Variants in SOBP observed in about 807,000 individuals in gnomAD.
SOBP encodes the protein sine oculis binding protein homolog.
In SOBP, 4 loss-of-function variants were observed where a neutral mutation model predicts 53.6. The ratio of observed to expected loss-of-function variants is 0.07; its 90% CI spans 0.04 to 0.17. The LOEUF is 0.17. SOBP is among the 10% of genes least tolerant of loss of function. The pLI, the probability that SOBP is intolerant of heterozygous loss-of-function variation, is 1.00. For synonymous variants in SOBP, 584 were observed against 522.6 expected, an observed-to-expected ratio of 1.12 and a Z score of -1.60; for missense variants, 1,088 against 1,204.7, an observed-to-expected ratio of 0.90 and a Z score of 1.43.
At chr6:107,574,550 T>C (rs963257419) in intron 4 of SOBP, among the ~76,000 whole-genome samples, 1 of 152,188 alleles carries the variant, frequency 6.6e-6, no homozygotes, top group African/African-American at 2.4e-5. Context: ...GATTTCAAAA[T>C]GAGTGAGCCC....
chr6:107,593,175 A>G (rs549032922), intron 5 of SOBP, among the ~76,000 whole-genome samples: 69 of 152,234 alleles, frequency 4.5e-4, no homozygotes, highest in African/African-American at 1.6e-3. Flanking sequence ...ACCACAGTTG[A>G]CCATCTCCCC....
chr6:107,616,755 G>A (rs1336352774), intron 5 of SOBP, among the ~76,000 whole-genome samples: 2 of 152,260 alleles, frequency 1.3e-5, no homozygotes, highest in Non-Finnish European at 2.9e-5. Flanking sequence ...TGCAGAAACA[G>A]TGGGGGCTGT....
In SOBP at chr6:107,635,112, G is replaced by A. The variant is rs377096838; in HGVS notation, c.2268G>A (p.Lys756=). 104 of 1,610,516 alleles carry A rather than the reference G, an allele frequency of 6.5e-5. No homozygotes were observed. In the African/African-American group the frequency reaches 1.3e-3, roughly 20 times the overall value. The change falls in exon 6 of 7, where the codon AAG becomes AAA. Residue 756 remains lysine, a synonymous_variant. Coordinates refer to ENST00000317357, the MANE Select transcript of SOBP (RefSeq NM_018013.4). This position sits in a 1 kb window ranked among gnomAD's most constrained non-coding sequence, Gnocchi z 4.5. Reference sequence around the variant, plus strand: ...CGCCGCCGCCCGCGCCCCCCAAGAAGCTGCTGTCGCCTGAGGAACCGGCGG... The same window carrying A: ...CGCCGCCGCCCGCGCCCCCCAAGAAACTGCTGTCGCCTGAGGAACCGGCGG... The part of the protein sequence containing the change: ...PPPPPPAPPK[K]LLSPEEPAVS...
At chr6:107,588,046 A>G (rs2115061198) in intron 5 of SOBP, among the ~76,000 whole-genome samples, 1 of 152,330 alleles carries the variant, frequency 6.6e-6, no homozygotes, top group South Asian at 2.1e-4. Context: ...ATTAAAGCAA[A>G]ACATTTGCTC....
chr6:107,528,464 A>G (rs1323966267), intron 3 of SOBP, among the ~76,000 whole-genome samples: 2 of 152,138 alleles, frequency 1.3e-5, no homozygotes, highest in African/African-American at 4.8e-5. Context: ...TGAGATCCAC[A>G]TATTATTGGG....
intron 5 of SOBP, among the ~76,000 whole-genome samples, chr6:107,591,534 T>C (rs780551328): frequency 3.3e-5 from 5 of 152,138 alleles, no homozygotes; most frequent in African/African-American, 4.8e-5. Context: ...AAGGGGGTTT[T>C]CCCAGCAGAG....
intron 4 of SOBP, among the ~76,000 whole-genome samples, chr6:107,581,703 A>G (rs1415256145): frequency 6.6e-6 from 1 of 152,262 alleles, no homozygotes; most frequent in Non-Finnish European, 1.5e-5. Flanking sequence ...AGAAAATGAA[A>G]TTCCATGCGT....
At chr6:107,592,720 G>A (rs1785801768) in intron 5 of SOBP, among the ~76,000 whole-genome samples, 1 of 152,190 alleles carries the variant, frequency 6.6e-6, no homozygotes, top group Non-Finnish European at 1.5e-5. Context: ...CCCCACAAGT[G>A]TAAAATAACC....
intron 4 of SOBP, among the ~76,000 whole-genome samples, chr6:107,550,720 G>C: frequency 6.6e-6 from 1 of 152,120 alleles, no homozygotes; most frequent in Admixed American, 6.5e-5. Context: ...GGGATGGATA[G>C]AAAAAAGGAC....
chr6:107,524,385 A>G (rs1783600182), intron 3 of SOBP, among the ~76,000 whole-genome samples: 5 of 152,142 alleles, frequency 3.3e-5, no homozygotes, highest in Admixed American at 3.3e-4. Context: ...GACATCTTAG[A>G]TTGCTCAGAG....
chr6:107,650,606 T>G (rs757973203), intron 6 of SOBP, among the ~76,000 whole-genome samples: 1 of 152,232 alleles, frequency 6.6e-6, no homozygotes, highest in Non-Finnish European at 1.5e-5. Context: ...TGGGACACCA[T>G]GAACTGCACC....
intron 5 of SOBP, among the ~76,000 whole-genome samples, chr6:107,601,524 C>T (rs1452970917): frequency 2.6e-5 from 4 of 152,204 alleles, no homozygotes; most frequent in African/African-American, 4.8e-5. Context: ...GAAACACTTT[C>T]GAAATTACTT....
intron 5 of SOBP, among the ~76,000 whole-genome samples, chr6:107,624,625 T>A (rs1475222597): frequency 2.0e-5 from 3 of 152,204 alleles, no homozygotes; most frequent in African/African-American, 7.2e-5. Context: ...CATAGAGACC[T>A]GCAGTTGTAT....
chr6:107,551,728 T>C (rs148470791), intron 4 of SOBP, among the ~76,000 whole-genome samples: 1 of 152,222 alleles, frequency 6.6e-6, no homozygotes, highest in Non-Finnish European at 1.5e-5. Context: ...ATTTAAAAAA[T>C]TGTTGATTGG....
chr6:107,494,709 T>G (rs955602339), intron 1 of SOBP, among the ~76,000 whole-genome samples: 1 of 152,246 alleles, frequency 6.6e-6, no homozygotes, highest in Non-Finnish European at 1.5e-5. Context: ...GATGCTTCTT[T>G]GCTGAAGAAG....
intron 1 of SOBP, among the ~76,000 whole-genome samples, chr6:107,494,784 C>T (rs1782658730): frequency 6.6e-6 from 1 of 152,154 alleles, no homozygotes; most frequent in Non-Finnish European, 1.5e-5. Flanking sequence ...GTCCTGATGC[C>T]TACAATTTGG....
At chr6:107,650,299 C>T (rs763010585) in intron 6 of SOBP, among the ~76,000 whole-genome samples, 7 of 152,198 alleles carry the variant, frequency 4.6e-5, no homozygotes, top group Admixed American at 2.0e-4. Context: ...GCTCCCATAC[C>T]CTCTCCTTAC....
chr6:107,615,951 G>C (rs1192459181), intron 5 of SOBP, among the ~76,000 whole-genome samples: 1 of 151,288 alleles, frequency 6.6e-6, no homozygotes. Context: ...GAGCCCAGGA[G>C]ATCAAGGCTG....
chr6:107,649,565 C>T (rs1409025844), intron 6 of SOBP, among the ~76,000 whole-genome samples: 1 of 151,616 alleles, frequency 6.6e-6, no homozygotes, highest in Non-Finnish European at 1.5e-5. Flanking sequence ...GACCTAGGCT[C>T]TTGTTCAAAA....
Sources: allele counts gnomAD v4.1 joint callset (sites outside exome capture counted in the v4.1 genomes callset), GRCh38; gene constraint gnomAD v4.1.1; non-coding constraint Gnocchi (gnomAD v3.1); transcripts MANE v1.5; gene names NCBI Gene and HGNC (gene_info 2026-07-23, HGNC 2026-07-21).